Variants in MACO1 observed in about 807,000 individuals in gnomAD.
MACO1 encodes macoilin.
In MACO1, 14 loss-of-function variants were observed where a neutral mutation model predicts 78.7. That is an observed-to-expected ratio of 0.18 (90% CI 0.12 to 0.28). MACO1 has a LOEUF of 0.28. Among genes scored for constraint, MACO1 ranks in the 10% least tolerant of loss-of-function variants. The probability of loss-of-function intolerance (pLI) is 1.00; values close to 1 mark genes in which losing one functional copy is unlikely to be tolerated. For missense variants in MACO1, 501 were observed against 799.0 expected (o/e 0.63, Z 4.50); for synonymous variants, 288 against 291.6 (o/e 0.99, Z 0.12).
intron 8 of MACO1, among the ~76,000 whole-genome samples, chr1:25,488,425 G>C (rs545252506): frequency 6.6e-6 from 1 of 152,108 alleles, no homozygotes; most frequent in Non-Finnish European, 1.5e-5. Context: ...GCTAAAACCT[G>C]ACAGACCCTG....
At chr1:25,475,045 T>C (rs535322554) in intron 6 of MACO1, among the ~76,000 whole-genome samples, 25 of 152,164 alleles carry the variant, frequency 1.6e-4, no homozygotes, top group Non-Finnish European at 3.1e-4. Context: ...GAGGTAGATT[T>C]AAAAACTGAG....
At position 25,459,011 on chromosome 1, in the gene MACO1, T is replaced by C. The variant is rs1185713614; in HGVS notation, c.1154+119T>C. The C allele has an allele frequency of 3.0e-5, 39 of 1,313,524 alleles. 1 individual carries two copies. Among genetic ancestry groups the C allele is most frequent in the Non-Finnish European group, 3.7e-5 (36 of 962,128 alleles). 81.4% of individuals were successfully genotyped at this position (1,313,524 alleles called of 1,614,324 possible). On this transcript the variant is annotated intron_variant, in intron 6 of 10. Coordinates refer to ENST00000374343, the MANE Select transcript of MACO1 (RefSeq NM_018202.6). ...ATCAGATATTGTGACTAGTGACGTG[T>C]GGTGTTTTACATGAGTTTGTTGGCC... is the stretch of plus-strand genomic sequence containing the variant.
Position 25,458,561 on chromosome 1 carries a change from A to G in MACO1, c.823A>G (p.Ile275Val). The G allele has an allele frequency of 6.2e-7, 1 of 1,614,096 alleles. No homozygotes were observed. The highest frequency in any genetic ancestry group is 8.5e-7 in the Non-Finnish European group (1 of 1,180,008). Residue 275 changes from isoleucine to valine, a missense_variant, in exon 6 of 11, where the codon ATT (isoleucine) becomes GTT (valine). By Grantham distance (29) the Ile-to-Val change is conservative (BLOSUM62 3). This residue lies in a region of MACO1 where 90 missense variants were observed against 85.7 expected (regional missense o/e 1.05). Transcript: ENST00000374343. ...CAACCTTGGAATAAATAACAACAAT[A>G]TTCTACAACCTGTAGACTCTAAAAT... Reference protein sequence around the residue: ...KHNLGINNNNILQPVDSKIQE... With the variant: ...KHNLGINNNNVLQPVDSKIQE...
At chr1:25,447,048 AC>A in intron 2 of MACO1, 145 bp downstream of exon 2, 1 of 969,132 alleles carries the variant, frequency 1.0e-6, no homozygotes, top group Non-Finnish European at 1.4e-6. Context: ...TTTTGTCTAA[AC>A]CCATTGATCA....
chr1:25,458,300 G>A (rs2043140452), intron 5 of MACO1, 91 bp from the exon 6 acceptor site: 1 of 1,485,956 alleles, frequency 6.7e-7, no homozygotes, highest in Non-Finnish European at 9.0e-7. Context: ...CTTAAGTGTA[G>A]ATAATAGTTT....
chr1:25,490,468 ATGCAACAAAATAGGCCTCATACAT>A (rs1467653964), intron 9 of MACO1, among the ~76,000 whole-genome samples: 1 of 152,222 alleles, frequency 6.6e-6, no homozygotes, highest in African/African-American at 2.4e-5. Flanking sequence ...CATGGTGAGG[ATGCAACAAAATAGGCCTCATACAT>A]TGCTGGTAGA....
chr1:25,454,420 ATGTGTG>A (rs765811609), intron 4 of MACO1, 38 bp downstream of exon 4: 1 of 1,329,158 alleles, frequency 7.5e-7, no homozygotes, highest in Admixed American at 1.9e-5. Flanking sequence ...GTGTGTGTAT[ATGTGTG>A]TATGTATATA....
At chr1:25,473,526 A>G (rs940862207) in intron 6 of MACO1, among the ~76,000 whole-genome samples, 5 of 152,192 alleles carry the variant, frequency 3.3e-5, no homozygotes, top group Non-Finnish European at 7.4e-5. Context: ...AGTTCATTCT[A>G]TCAAAACTGA....
intron 3 of MACO1, among the ~76,000 whole-genome samples, chr1:25,453,074 C>T (rs1181453843): frequency 1.3e-5 from 2 of 148,868 alleles, no homozygotes; most frequent in African/African-American, 2.5e-5. Context: ...GATGCAATCT[C>T]GGCTCACCGC....
Position 25,458,569 on chromosome 1 carries a change from A to G in MACO1, c.831A>G (p.Gln277=). 1.2e-6 allele frequency: 2 copies of G among 1,613,746 alleles called. No individual in the cohort carries two copies. The highest frequency in any genetic ancestry group is 1.7e-6 in the Non-Finnish European group (2 of 1,179,884). ...NLGINNNNIL[Q]PVDSKIQEIE... is the part of the protein sequence containing the mutation. ...GAATAAATAACAACAATATTCTACA[A>G]CCTGTAGACTCTAAAATACAAGAGA... The change falls in exon 6 of 11, where the codon CAA becomes CAG. Residue 277 remains glutamine, a synonymous_variant. Coordinates refer to ENST00000374343, the MANE Select transcript of MACO1 (RefSeq NM_018202.6).
At chr1:25,433,345 T>C (rs1172354522) in intron 1 of MACO1, among the ~76,000 whole-genome samples, 1 of 151,954 alleles carries the variant, frequency 6.6e-6, no homozygotes, top group East Asian at 1.9e-4. Context: ...ACAGGATGAG[T>C]GGACTGGTTA....
rs746113735 is a variant in MACO1 at position 25,473,588 on chromosome 1, T to C, written c.1155-10528T>C. On this transcript the variant is annotated intron_variant, in intron 6 of 10. Coordinates refer to ENST00000374343, the MANE Select transcript of MACO1 (RefSeq NM_018202.6). ...ACTCCCTAGAATTGAGAAGGAACTA[T>C]TACAAAACTTTGAAAGGCTTTGTGT... 2.6e-5 allele frequency among the ~76,000 whole-genome samples: 4 copies of C among 152,220 alleles called. No homozygotes were observed. In the East Asian group the frequency reaches 7.7e-4, roughly 29 times the overall value.
intron 2 of MACO1, 54 bp from the exon 3 acceptor site, chr1:25,448,754 G>GA: frequency 7.1e-7 from 1 of 1,410,302 alleles, no homozygotes; most frequent in Non-Finnish European, 9.4e-7. Context: ...ATGTGTGGTT[G>GA]AAAATAACAG....
At chr1:25,453,701 A>G (rs1320128380) in intron 3 of MACO1, among the ~76,000 whole-genome samples, 1 of 151,866 alleles carries the variant, frequency 6.6e-6, no homozygotes, top group African/African-American at 2.4e-5. Flanking sequence ...TTTCTGGGTA[A>G]AAGAAAGGTA....
intron 1 of MACO1, among the ~76,000 whole-genome samples, chr1:25,441,005 C>T (rs777668551): frequency 6.6e-6 from 1 of 152,090 alleles, no homozygotes; most frequent in Admixed American, 6.5e-5. Flanking sequence ...CAGATGGGAG[C>T]AGGTTCATGG....
chr1:25,496,767 G>A (rs2043540994), intron 10 of MACO1, among the ~76,000 whole-genome samples: 1 of 152,056 alleles, frequency 6.6e-6, no homozygotes, highest in Non-Finnish European at 1.5e-5. Context: ...AGAGACGATG[G>A]ACACAGATCA....
chr1:25,470,057 C>T (rs2043254178), intron 6 of MACO1, among the ~76,000 whole-genome samples: 1 of 152,200 alleles, frequency 6.6e-6, no homozygotes, highest in Non-Finnish European at 1.5e-5. Flanking sequence ...TTTAAAATTA[C>T]ACATTTGTTG....
chr1:25,496,234 G>A (rs2043535767), intron 10 of MACO1, among the ~76,000 whole-genome samples: 1 of 148,974 alleles, frequency 6.7e-6, no homozygotes, highest in Non-Finnish European at 1.5e-5. Context: ...TACAACCTCC[G>A]CCTTCTGGGC....
chr1:25,485,654 A>G lies in MACO1; in HGVS notation c.1355A>G (p.Asn452Ser), dbSNP rs564309958. The change falls in exon 8 of 11, where the codon AAT becomes AGT. Residue 452 changes from asparagine to serine, a missense_variant. This residue lies in a region of MACO1 where 163 missense variants were observed against 271.9 expected (regional missense o/e 0.60). Coordinates refer to ENST00000374343, the MANE Select transcript of MACO1 (RefSeq NM_018202.6). The surrounding 1 kb of genome is among the most constrained non-coding windows in gnomAD (Gnocchi z 4.3). ...CAAATGAAGCAAAAAGACAAGCAGA[A>G]TATCAGCCAGTTGGAGAAAAAGCTA... The part of the protein sequence containing the change: ...AVQMKQKDKQ[N>S]ISQLEKKLKA... The G allele has an allele frequency of 2.8e-5, 45 of 1,614,220 alleles. No individual in the cohort carries two copies. In the South Asian group the frequency reaches 4.9e-4, roughly 18 times the overall value.
Sources: gnomAD v4.1 joint callset for allele counts (sites outside exome capture counted in the v4.1 genomes callset) on GRCh38, gnomAD v4.1.1 for gene constraint, gnomAD v4.1.1 regional missense constraint, Gnocchi (gnomAD v3.1) non-coding constraint, MANE v1.5 for transcripts, NCBI Gene and HGNC (gene_info 2026-07-23, HGNC 2026-07-21) for gene names.